Variants in GCN1 observed in about 807,000 individuals in gnomAD.
GCN1 encodes GCN1 activator of EIF2AK4.
GCN1 carries 90 observed loss-of-function variants against 288.4 expected under a neutral mutation model. The observed-to-expected ratio is 0.31, with a 90% CI of 0.26 to 0.37. The LOEUF (loss-of-function observed/expected upper bound fraction) is 0.37, where lower values mean the gene tolerates loss of function less well. Ranked by LOEUF, GCN1 falls within the 10% of genes least tolerant of loss-of-function variation. GCN1 has a pLI of 1.00. For missense variants in GCN1, 2,586 were observed against 3,419.9 expected (o/e 0.76, Z 6.08); for synonymous variants, 1,386 against 1,420.2 (o/e 0.98, Z 0.54).
chr12:120,191,029 G>A (rs750613744), intron 1 of GCN1, among the ~76,000 whole-genome samples: 7 of 152,172 alleles, frequency 4.6e-5, no homozygotes, highest in South Asian at 2.1e-4. Flanking sequence ...TATAAGATGC[G>A]GACAATAGCA....
chr12:120,191,109 CA>C (rs1878991617), intron 1 of GCN1, among the ~76,000 whole-genome samples: 1 of 152,126 alleles, frequency 6.6e-6, no homozygotes, highest in African/African-American at 2.4e-5. Flanking sequence ...TCATCCCAAG[CA>C]AAAAGTTGGC....
chr12:120,140,880 CATG>C lies in GCN1; in HGVS notation c.5970_5972del (p.Ile1990del). On this transcript the variant is annotated inframe_deletion, in exon 45 of 58. Coordinates refer to ENST00000300648, the MANE Select transcript of GCN1 (RefSeq NM_006836.2). The stretch of plus-strand genomic sequence containing the variant: ...TCACGGCATCCCGGCTGGTGGACTT[CATG>C]ATCTCACTTAGGCCAATGCACACAC... 1 of 1,613,928 alleles carries C rather than the reference CATG, an allele frequency of 6.2e-7. No individual in the cohort carries two copies. The highest frequency in any genetic ancestry group is 8.5e-7 in the Non-Finnish European group (1 of 1,179,910).
In GCN1 at chr12:120,174,001, G is replaced by C. The variant is rs1878390546; in HGVS notation, c.1192+70C>G. The C allele has an allele frequency of 8.3e-6, 9 of 1,090,582 alleles. No homozygotes were observed. In the South Asian group the frequency reaches 9.1e-5, roughly 11 times the overall value. The allele number at this position is 1,090,582 out of a possible 1,614,324, so 67.6% of individuals were successfully genotyped here. A position where few individuals can be genotyped will look rare whatever the true frequency, so the allele number is the denominator to read the frequency against. ...TTTAGGAGAGGTTTATGGAAGGAAA[G>C]CTCCAACTGTGAAAAACCACGGTCA... On this transcript the variant is annotated intron_variant, in intron 13 of 57. Coordinates refer to ENST00000300648, the MANE Select transcript of GCN1 (RefSeq NM_006836.2).
At chr12:120,136,781 C>G (rs763450350) in intron 50 of GCN1, 49 bp from the exon 51 acceptor site, 1 of 1,396,276 alleles carries the variant, frequency 7.2e-7, no homozygotes, top group East Asian at 2.3e-5. Context: ...ACCCTGGGCC[C>G]TGGTGTCTCC....
chr12:120,152,000 G>A (rs1877569901), intron 33 of GCN1, among the ~76,000 whole-genome samples: 1 of 152,090 alleles, frequency 6.6e-6, no homozygotes, highest in Admixed American at 6.6e-5. Context: ...GTTTTCAACT[G>A]TGCATTTTTT....
chr12:120,141,962 T>C lies in GCN1; in HGVS notation c.5829+545A>G, dbSNP rs752872749. 6.6e-5 allele frequency among the ~76,000 whole-genome samples: 10 copies of C among 152,330 alleles called. No individual in the cohort carries two copies. In the East Asian group the frequency reaches 1.9e-3, roughly 29 times the overall value. The stretch of plus-strand genomic sequence containing the variant: ...GACTACCTCTCATGAGGATAAGGAA[T>C]GAAGCTGCCTTTCTTCTCCATTGTG... On this transcript the variant is annotated intron_variant, in intron 44 of 57. Coordinates refer to ENST00000300648, the MANE Select transcript of GCN1 (RefSeq NM_006836.2).
Position 120,135,607 on chromosome 12 carries a change from C to T in GCN1, c.7009-881G>A, listed in dbSNP as rs377688461. The stretch of plus-strand genomic sequence containing the variant: ...CGAACTCCCGACCTCAGGTAATCTG[C>T]CCACCTCGGCCTCCCAAAGTGCTGG... On this transcript the variant is annotated intron_variant, in intron 51 of 57. Coordinates refer to ENST00000300648, the MANE Select transcript of GCN1 (RefSeq NM_006836.2). Among the ~76,000 whole-genome samples the T allele has an allele frequency of 8.5e-3, 1,292 of 152,202 alleles. 14 individuals are homozygous for T. The highest frequency in any genetic ancestry group is 0.029 in the African/African-American group (1,214 of 41,532).
intron 5 of GCN1, among the ~76,000 whole-genome samples, chr12:120,182,998 A>C (rs1878714016): frequency 6.6e-6 from 1 of 151,650 alleles, no homozygotes; most frequent in Admixed American, 6.6e-5. Flanking sequence ...CATGACCTAC[A>C]CTAAGCCTAC....
At chr12:120,165,002 TACACACACACAC>T (rs55710290) in intron 16 of GCN1, among the ~76,000 whole-genome samples, 93 of 136,896 alleles carry the variant, frequency 6.8e-4, no homozygotes, top group Admixed American at 1.8e-3. Flanking sequence ...TACACATATA[TACACACACACAC>T]ACACACACAC....
chr12:120,136,889 C>T (rs1446632044), intron 50 of GCN1, among the ~76,000 whole-genome samples, 157 bp from the exon 51 acceptor site: 1 of 152,176 alleles, frequency 6.6e-6, no homozygotes, highest in Non-Finnish European at 1.5e-5. Flanking sequence ...AGAGGGCTGG[C>T]TATGGAACGG....
chr12:120,171,141 C>CA (rs56734169), intron 14 of GCN1, among the ~76,000 whole-genome samples: 28,335 of 88,244 alleles, frequency 0.32, 4,037 homozygotes, highest in East Asian at 0.6. Flanking sequence ...ACCCCATCTC[C>CA]AAAAAAAAAA....
intron 33 of GCN1, among the ~76,000 whole-genome samples, chr12:120,152,899 C>G (rs1877614271): frequency 6.6e-6 from 1 of 151,814 alleles, no homozygotes; most frequent in Non-Finnish European, 1.5e-5. Context: ...ATGGAACTAT[C>G]TAGGAGGTCT....
chr12:120,156,969 G>A lies in GCN1; in HGVS notation c.3111C>T (p.Arg1037=), dbSNP rs181439817. Residue 1037 remains arginine, a synonymous_variant, in exon 27 of 58, where the codon CGC becomes CGT. Coordinates refer to ENST00000300648, the MANE Select transcript of GCN1 (RefSeq NM_006836.2). This position sits in a 1 kb window ranked among gnomAD's most constrained non-coding sequence, Gnocchi z 5.8. ...AAGTCAGAAGACGCAGCATGGCCACGCGAGGCAGCAACTCCGGGCCATTCT... is the reference window on the plus strand; with the variant it reads ...AAGTCAGAAGACGCAGCATGGCCACACGAGGCAGCAACTCCGGGCCATTCT... ...VDENGPELLP[R]VAMLRLLTWV... 1.8e-4 allele frequency: 295 copies of A among 1,612,870 alleles called. No homozygotes were observed. Among genetic ancestry groups the A allele is most frequent in the Non-Finnish European group, 2.4e-4 (285 of 1,178,970 alleles).
intron 1 of GCN1, among the ~76,000 whole-genome samples, chr12:120,192,905 G>C (rs1006770631): frequency 6.6e-6 from 1 of 151,356 alleles, no homozygotes; most frequent in East Asian, 2.0e-4. Context: ...GCATGGTGGC[G>C]CATGCCTGTA....
chr12:120,128,705 C>T (rs183321592), intron 57 of GCN1, among the ~76,000 whole-genome samples: 323 of 152,134 alleles, frequency 2.1e-3, no homozygotes, highest in South Asian at 6.7e-3. Context: ...TTCCTCTGGG[C>T]AGCTCTCCTG....
rs1354209259 is a variant in GCN1 at position 120,144,189 on chromosome 12, T to TC, written c.5495+116dup. The TC allele has an allele frequency of 1.8e-5, 20 of 1,106,894 alleles. No homozygotes were observed. The highest frequency in any genetic ancestry group is 2.2e-5 in the Non-Finnish European group (16 of 738,506). 68.6% of individuals were successfully genotyped at this position (1,106,894 alleles called of 1,614,324 possible). ...CAGGGTCTCACTATGTTGCCAGGGC[T>TC]CATCGTAAACTCCTGGGTTTAAGCA... On this transcript the variant is annotated intron_variant, in intron 42 of 57. Coordinates refer to ENST00000300648, the MANE Select transcript of GCN1 (RefSeq NM_006836.2). The surrounding 1 kb of genome is among the most constrained non-coding windows in gnomAD (Gnocchi z 4.7).
rs1375622539 is a variant in GCN1 at position 120,144,125 on chromosome 12, C to A, written c.5495+181G>T. Among the ~76,000 whole-genome samples, 1 of 152,174 alleles carries A rather than the reference C, an allele frequency of 6.6e-6. No individual in the cohort carries two copies. Among genetic ancestry groups the A allele is most frequent in the Non-Finnish European group, 1.5e-5 (1 of 68,032 alleles). On this transcript the variant is annotated intron_variant, in intron 42 of 57. Coordinates refer to ENST00000300648, the MANE Select transcript of GCN1 (RefSeq NM_006836.2). The surrounding 1 kb of genome is among the most constrained non-coding windows in gnomAD (Gnocchi z 4.7). ...CTGTGTAGCTGGGATTACAGGTGTGCACCACCATTCCCAGCTAATTTTTTA... is the reference window on the plus strand; with the variant it reads ...CTGTGTAGCTGGGATTACAGGTGTGAACCACCATTCCCAGCTAATTTTTTA...
chr12:120,161,467 C>T (rs773462739), intron 22 of GCN1, 23 bp downstream of exon 22: 11 of 1,539,194 alleles, frequency 7.1e-6, no homozygotes, highest in South Asian at 5.6e-5. Context: ...AGCCACCTTC[C>T]GTAAGTGCCT....
intron 34 of GCN1, among the ~76,000 whole-genome samples, chr12:120,150,664 G>A (rs941079204): frequency 1.3e-5 from 2 of 151,912 alleles, no homozygotes; most frequent in African/African-American, 4.8e-5. Context: ...GTGGCCGGGC[G>A]CGGTGGTTCA....
Sources: allele counts gnomAD v4.1 joint callset (sites outside exome capture counted in the v4.1 genomes callset), GRCh38; gene constraint gnomAD v4.1.1; non-coding constraint Gnocchi (gnomAD v3.1); transcripts MANE v1.5; gene names NCBI Gene and HGNC (gene_info 2026-07-23, HGNC 2026-07-21).